Variants in SEMA6D observed in about 807,000 individuals in gnomAD.
SEMA6D encodes the protein semaphorin-6D.
SEMA6D carries 35 observed loss-of-function variants against 106.6 expected under a neutral mutation model. The ratio of observed to expected loss-of-function variants is 0.33; its 90% confidence interval spans 0.25 to 0.44. The LOEUF is 0.44. Among genes scored for constraint, SEMA6D ranks in the 20% least tolerant of loss-of-function variants. The probability of loss-of-function intolerance (pLI) is 1.00; values close to 1 mark genes in which losing one functional copy is unlikely to be tolerated. For synonymous variants in SEMA6D, 499 were observed against 487.7 expected (o/e 1.02, Z -0.31); for missense variants, 1,185 against 1,345.9 (o/e 0.88, Z 1.87).
At chr15:47,370,534 A>G (rs1192155756) in intron 1 of SEMA6D, among the ~76,000 whole-genome samples, 3 of 150,620 alleles carry the variant, frequency 2.0e-5, no homozygotes, top group Non-Finnish European at 4.4e-5. Context: ...AAAGAAAGGT[A>G]GTGATAATGA....
chr15:47,566,935 G>T (rs1279268205), intron 3 of SEMA6D, among the ~76,000 whole-genome samples: 2 of 152,126 alleles, frequency 1.3e-5, no homozygotes, highest in African/African-American at 4.8e-5. Flanking sequence ...ACAGAGAAAA[G>T]AAAATGAATG....
At chr15:47,228,009 A>ATAAGATTCTTATATATTTTATATT (rs2031899480) in intron 1 of SEMA6D, among the ~76,000 whole-genome samples, 4 of 11,730 alleles carry the variant, frequency 3.4e-4, no homozygotes, top group Admixed American at 1.2e-3. Context: ...TTTTATATAT[A>ATAAGATTCTTATATATTTTATATT]TAAGAATCAT....
intron 1 of SEMA6D, among the ~76,000 whole-genome samples, chr15:47,354,274 T>C (rs923798147): frequency 2.9e-5 from 4 of 137,670 alleles, no homozygotes; most frequent in Non-Finnish European, 3.0e-5. Flanking sequence ...ATGACAAGAA[T>C]TATATATATA....
intron 1 of SEMA6D, among the ~76,000 whole-genome samples, chr15:47,327,564 C>T (rs2037178728): frequency 6.6e-6 from 1 of 152,168 alleles, no homozygotes; most frequent in African/African-American, 2.4e-5. Flanking sequence ...AAGCCTTCTT[C>T]AGATAGTGCT....
chr15:47,341,263 G>A (rs1184464067), intron 1 of SEMA6D, among the ~76,000 whole-genome samples: 3 of 152,128 alleles, frequency 2.0e-5, no homozygotes, highest in Non-Finnish European at 2.9e-5. Context: ...GGTGGTGGGC[G>A]CCTGTAATCC....
At chr15:47,257,207 G>A (rs990999159) in intron 1 of SEMA6D, among the ~76,000 whole-genome samples, 13 of 151,990 alleles carry the variant, frequency 8.6e-5, no homozygotes, top group African/African-American at 2.9e-4. Context: ...ACAGGTGCCT[G>A]CCACCACGCC....
At chr15:47,749,959 A>G (rs1487206660) in intron 1 of SEMA6D, among the ~76,000 whole-genome samples, 1 of 152,216 alleles carries the variant, frequency 6.6e-6, no homozygotes, top group African/African-American at 2.4e-5. Context: ...ATGACCACTG[A>G]GATTAAATGC....
chr15:47,705,951 C>A (rs1443641178), intron 4 of SEMA6D, among the ~76,000 whole-genome samples: 1 of 152,200 alleles, frequency 6.6e-6, no homozygotes, highest in East Asian at 1.9e-4. Flanking sequence ...AGTCCCAGAG[C>A]CCTTGTCCTA....
intron 4 of SEMA6D, among the ~76,000 whole-genome samples, chr15:47,646,806 A>G (rs1193696654): frequency 6.6e-6 from 1 of 152,198 alleles, no homozygotes; most frequent in East Asian, 1.9e-4. Flanking sequence ...AAAATATGCC[A>G]TGAGCTGAAA....
rs1419621566 is a variant in SEMA6D, at chr15:47,364,890, G to A, written c.-238-47503G>A. Among the ~76,000 whole-genome samples the A allele has an allele frequency of 2.6e-5, 4 of 152,106 alleles. No individual in the cohort carries two copies. The East Asian group carries it at 5.8e-4, about 22-fold the overall frequency. On this transcript the variant is annotated intron_variant, in intron 1 of 19. Transcript: ENST00000558014. ...TCTGGGCACATCTGGCTGCACAGTA[G>A]GAGTATTGCACTCCAAAGTGCAAAA...
intron 3 of SEMA6D, among the ~76,000 whole-genome samples, chr15:47,486,065 G>T (rs2043287997): frequency 1.3e-5 from 2 of 152,198 alleles, no homozygotes; most frequent in Admixed American, 6.5e-5. Flanking sequence ...GCCAAAGTCT[G>T]CTAACGTCCA....
intron 1 of SEMA6D, among the ~76,000 whole-genome samples, chr15:47,208,426 AC>A (rs1358656717): frequency 6.6e-6 from 1 of 152,104 alleles, no homozygotes; most frequent in Non-Finnish European, 1.5e-5. Flanking sequence ...GATACAAGAG[AC>A]CTTCTAAATA....
intron 3 of SEMA6D, among the ~76,000 whole-genome samples, chr15:47,548,886 G>T (rs2045602061): frequency 6.6e-6 from 1 of 151,994 alleles, no homozygotes; most frequent in African/African-American, 2.4e-5. Flanking sequence ...GGACTTTCCT[G>T]GAAGATCTTC....
chr15:47,230,816 C>T (rs191287323), intron 1 of SEMA6D, among the ~76,000 whole-genome samples: 72 of 152,110 alleles, frequency 4.7e-4, no homozygotes, highest in African/African-American at 1.7e-3. Context: ...GGTTCTGATG[C>T]ACTCTTAAAG....
At chr15:47,515,692 C>A (rs2044365829) in intron 3 of SEMA6D, among the ~76,000 whole-genome samples, 1 of 152,124 alleles carries the variant, frequency 6.6e-6, no homozygotes, top group Admixed American at 6.5e-5. Context: ...ATTTCCTTTC[C>A]CCTTGGAGAA....
In SEMA6D at chr15:47,316,102, C is replaced by CTTTTTTTTTTTTTTTTTTTTTTTTTT; in HGVS notation, c.-238-96283_-238-96282insTTTTTTTTTTTTTTTTTTTTTTTTTT. On this transcript the variant is annotated intron_variant, in intron 1 of 19. Coordinates refer to the SEMA6D transcript ENST00000558014. ...TCCCAATCAGTATGCCATTTATTTCCTTTTTTTTGAGACAGAATCTTGTTC... is the reference window on the plus strand; with the variant it reads ...TCCCAATCAGTATGCCATTTATTTCCTTTTTTTTTTTTTTTTTTTTTTTTTTTTTTTTTTGAGACAGAATCTTGTTC... 5.2e-4 allele frequency among the ~76,000 whole-genome samples: 42 copies of CTTTTTTTTTTTTTTTTTTTTTTTTTT among 81,454 alleles called. 9 individuals are homozygous for CTTTTTTTTTTTTTTTTTTTTTTTTTT. The highest frequency in any genetic ancestry group is 1.5e-3 in the African/African-American group (24 of 15,586). 53.4% of individuals were successfully genotyped at this position (81,454 alleles called of 152,430 possible).
chr15:47,688,103 G>A (rs1290120727), intron 4 of SEMA6D, among the ~76,000 whole-genome samples: 2 of 152,120 alleles, frequency 1.3e-5, no homozygotes, highest in East Asian at 3.9e-4. Context: ...GGGAATAAAT[G>A]AGACAAGAGA....
At chr15:47,659,801 T>C (rs1016617358) in intron 4 of SEMA6D, among the ~76,000 whole-genome samples, 1 of 152,130 alleles carries the variant, frequency 6.6e-6, no homozygotes, top group Non-Finnish European at 1.5e-5. Flanking sequence ...GAAAGATGTT[T>C]AACCTCACAA....
chr15:47,761,182 C>T lies in SEMA6D; in HGVS notation c.307C>T (p.Gln103Ter). 1 of 1,613,788 alleles carries T rather than the reference C, an allele frequency of 6.2e-7. No homozygotes were observed. The highest frequency in any genetic ancestry group is 8.5e-7 in the Non-Finnish European group (1 of 1,179,826). ...GAAACTGACATGGCGATCAAGACAA[C>T]AGGATCGAGAAAACTGTGCTATGAA... The part of the protein sequence containing the change: ...NKKLTWRSRQ[Q>*]DRENCAMKGK... The change falls in exon 5 of 19, where the codon CAG (glutamine) becomes TAG (stop). Residue 103 changes from glutamine to a stop codon, truncating the protein, a stop_gained. Transcript: ENST00000536845. LOFTEE classifies it high-confidence loss of function.
Sources: allele counts gnomAD v4.1 joint callset (sites outside exome capture counted in the v4.1 genomes callset), GRCh38; gene constraint gnomAD v4.1.1; transcripts MANE v1.5; gene names NCBI Gene and HGNC (gene_info 2026-07-23, HGNC 2026-07-21).